The following ZMAT4 variants were observed in gnomAD, a reference collection of about 807,000 sequenced individuals.
ZMAT4 encodes the protein zinc finger matrin-type protein 4.
ZMAT4 carries 17 observed loss-of-function variants against 28.7 expected under a neutral mutation model. That is an observed-to-expected ratio of 0.59 (90% CI 0.41 to 0.89). The LOEUF is 0.89. Among genes scored for constraint, ZMAT4 ranks in the 40% least tolerant of loss-of-function variants. The probability of loss-of-function intolerance (pLI) is 0.00; values close to 1 mark genes in which losing one functional copy is unlikely to be tolerated. For missense variants in ZMAT4, 240 were observed against 283.8 expected, an observed-to-expected ratio of 0.85 and a Z score of 1.11; for synonymous variants, 117 against 109.2, an observed-to-expected ratio of 1.07 and a Z score of -0.44.
intron 5 of ZMAT4, among the ~76,000 whole-genome samples, chr8:40,643,631 T>C (rs546721755): frequency 6.6e-6 from 1 of 152,042 alleles, no homozygotes; most frequent in African/African-American, 2.4e-5. Context: ...TTGCGATGAG[T>C]GCTACAGTTG....
chr8:40,789,132 A>G (rs771037672), intron 2 of ZMAT4, among the ~76,000 whole-genome samples: 7 of 152,076 alleles, frequency 4.6e-5, no homozygotes, highest in Non-Finnish European at 8.8e-5. Flanking sequence ...ATTCACATCA[A>G]CATTGCAACT....
chr8:40,792,525 A>AAGGG (rs1563487496), intron 2 of ZMAT4, among the ~76,000 whole-genome samples: 19 of 16,216 alleles, frequency 1.2e-3, no homozygotes, highest in African/African-American at 5.6e-3. Context: ...GGAAGGAAGG[A>AAGGG]AGGAAGGGAC....
chr8:40,552,919 C>T (rs753602154), intron 6 of ZMAT4, among the ~76,000 whole-genome samples: 15 of 152,136 alleles, frequency 9.9e-5, no homozygotes, highest in Non-Finnish European at 1.8e-4. Context: ...ATGTAGTAGC[C>T]ACTTATGCCT....
chr8:40,844,610 T>TTCTCTCTCCTC (rs1041201167), intron 1 of ZMAT4, among the ~76,000 whole-genome samples: 1 of 148,772 alleles, frequency 6.7e-6, no homozygotes, highest in Non-Finnish European at 1.5e-5. Context: ...TATATACTCT[T>TTCTCTCTCCTC]TCTCTCTCCT....
rs1563454035 is a variant in ZMAT4, at chr8:40,746,250, TCCCTCCC to T, written c.192+21384_192+21390del. On this transcript the variant is annotated intron_variant, in intron 3 of 6. Coordinates refer to ENST00000297737, the MANE Select transcript of ZMAT4 (RefSeq NM_024645.3). ...CTCCCTCCCTCCCTCCCTCCCTCCCTCCCTCCCTCCCTCCCTTCCTTCCTTTCTTTCT... is the reference window on the plus strand; with the variant it reads ...CTCCCTCCCTCCCTCCCTCCCTCCCTTCCCTCCCTTCCTTCCTTTCTTTCT... Among the ~76,000 whole-genome samples the T allele has an allele frequency of 3.6e-4, 24 of 66,028 alleles. No individual in the cohort carries two copies. The South Asian group carries it at 3.9e-3, about 11-fold the overall frequency. The allele number at this position is 66,028 out of a possible 152,430, so 43.3% of individuals were successfully genotyped here. A position where few individuals can be genotyped will look rare whatever the true frequency, so the allele number is the denominator to read the frequency against.
intron 1 of ZMAT4, among the ~76,000 whole-genome samples, chr8:40,891,129 T>A (rs1412543133): frequency 2.1e-5 from 3 of 144,094 alleles, no homozygotes; most frequent in Non-Finnish European, 1.5e-5. Flanking sequence ...GGCCAGGAGT[T>A]CGAGGCTACA....
rs578213942 is a variant in ZMAT4 at position 40,548,351 on chromosome 8, C to T, written c.675-16113G>A. The stretch of plus-strand genomic sequence containing the variant: ...AGGATATAAAGCATATAGCTATCTC[C>T]TGGCATAGATAGGTGATTTTTAAAA... On this transcript the variant is annotated intron_variant, in intron 6 of 6. Coordinates refer to ENST00000297737, the MANE Select transcript of ZMAT4 (RefSeq NM_024645.3). 2.0e-5 allele frequency among the ~76,000 whole-genome samples: 3 copies of T among 152,180 alleles called. No individual in the cohort carries two copies. The South Asian group carries it at 6.2e-4, about 32-fold the overall frequency.
intron 1 of ZMAT4, among the ~76,000 whole-genome samples, chr8:40,858,592 C>G (rs555005874): frequency 2.0e-5 from 3 of 152,138 alleles, no homozygotes; most frequent in Non-Finnish European, 2.9e-5. Context: ...AATGCCTTGA[C>G]CCAGAGGAAT....
intron 5 of ZMAT4, among the ~76,000 whole-genome samples, chr8:40,609,878 G>A (rs112039051): frequency 6.1e-4 from 93 of 152,146 alleles, no homozygotes; most frequent in Non-Finnish European, 1.1e-3. Flanking sequence ...CAACCGCAGT[G>A]CAGCAAGGAT....
At chr8:40,874,648 A>G (rs1817979513) in intron 1 of ZMAT4, among the ~76,000 whole-genome samples, 1 of 152,210 alleles carries the variant, frequency 6.6e-6, no homozygotes, top group Non-Finnish European at 1.5e-5. Context: ...GTTTCTCTGT[A>G]GCCCTCTCAG....
chr8:40,806,666 T>C (rs1365251232), intron 2 of ZMAT4, among the ~76,000 whole-genome samples: 1 of 152,206 alleles, frequency 6.6e-6, no homozygotes, highest in African/African-American at 2.4e-5. Flanking sequence ...CCTAAATCTC[T>C]GTGATGGACG....
chr8:40,720,116 A>G lies in ZMAT4; in HGVS notation c.193-22715T>C, dbSNP rs72639697. 6.6e-3 allele frequency among the ~76,000 whole-genome samples: 1,013 copies of G among 152,342 alleles called. 2 individuals carry two copies. Among genetic ancestry groups the G allele is most frequent in the Non-Finnish European group, 0.012 (803 of 68,016 alleles). ...TAATAATGAATGTCTGCAGCTGAAC[A>G]TTCTTATCAACTTTTGGGGCATGTT... On this transcript the variant is annotated intron_variant, in intron 3 of 6. Coordinates refer to ENST00000297737, the MANE Select transcript of ZMAT4 (RefSeq NM_024645.3).
chr8:40,872,417 G>A (rs1014461143), intron 1 of ZMAT4, among the ~76,000 whole-genome samples: 2 of 152,188 alleles, frequency 1.3e-5, no homozygotes, highest in African/African-American at 4.8e-5. Context: ...CCTCCCTGTA[G>A]GCCTCGGGGG....
intron 6 of ZMAT4, among the ~76,000 whole-genome samples, chr8:40,535,166 T>C (rs1456524115): frequency 2.6e-5 from 4 of 152,136 alleles, no homozygotes; most frequent in African/African-American, 7.2e-5. Context: ...TCAGCCCCTA[T>C]TGAAGTCTGG....
chr8:40,752,402 C>G (rs1321653561), intron 3 of ZMAT4, among the ~76,000 whole-genome samples: 1 of 152,190 alleles, frequency 6.6e-6, no homozygotes, highest in Non-Finnish European at 1.5e-5. Flanking sequence ...TTGCCCAGTC[C>G]CTTCTACCAG....
intron 3 of ZMAT4, among the ~76,000 whole-genome samples, chr8:40,729,938 A>G (rs1811467897): frequency 6.6e-6 from 1 of 152,202 alleles, no homozygotes; most frequent in Admixed American, 6.5e-5. Context: ...ATTATTTGGC[A>G]TTGATTAAAA....
At chr8:40,578,562 A>C (rs1205677310) in intron 6 of ZMAT4, among the ~76,000 whole-genome samples, 1 of 152,210 alleles carries the variant, frequency 6.6e-6, no homozygotes, top group Non-Finnish European at 1.5e-5. Flanking sequence ...ATAAACAGAC[A>C]AAAGAATTGA....
intron 1 of ZMAT4, among the ~76,000 whole-genome samples, chr8:40,837,297 G>T (rs1816530131): frequency 6.6e-6 from 1 of 152,322 alleles, no homozygotes; most frequent in Non-Finnish European, 1.5e-5. Flanking sequence ...AACTTTGGAA[G>T]CCACATGGTA....
intron 1 of ZMAT4, among the ~76,000 whole-genome samples, chr8:40,834,694 T>A (rs1164046072): frequency 6.6e-6 from 1 of 152,032 alleles, no homozygotes; most frequent in East Asian, 1.9e-4. Context: ...AACACATAAA[T>A]AGAATATTCA....
Sources: gnomAD v4.1 joint callset for allele counts (sites outside exome capture counted in the v4.1 genomes callset) on GRCh38, gnomAD v4.1.1 for gene constraint, MANE v1.5 for transcripts, NCBI Gene and HGNC (gene_info 2026-07-23, HGNC 2026-07-21) for gene names.